The following LRRIQ1 variants were observed in gnomAD, a reference collection of about 807,000 sequenced individuals.
LRRIQ1 encodes leucine-rich repeat- and IQ domain-containing protein 1.
In LRRIQ1, 210 loss-of-function variants were observed where a neutral mutation model predicts 211.9. The ratio of observed to expected loss-of-function variants is 0.99; its 90% CI spans 0.89 to 1.11. The LOEUF (loss-of-function observed/expected upper bound fraction) is 1.11. Among genes scored for constraint, LRRIQ1 ranks in the 50% most tolerant of loss-of-function variants. LRRIQ1 has a pLI of 0.00. For missense variants in LRRIQ1, 2,136 were observed against 1,939.5 expected, an observed-to-expected ratio of 1.10 and a Z score of -1.90; for synonymous variants, 699 against 650.1, an observed-to-expected ratio of 1.08 and a Z score of -1.14.
intron 24 of LRRIQ1, among the ~76,000 whole-genome samples, chr12:85,178,133 T>C (rs1891806567): frequency 1.3e-5 from 2 of 152,076 alleles, no homozygotes; most frequent in African/African-American, 4.8e-5. Flanking sequence ...TAGCAATTGG[T>C]GTCCCATTTC....
intron 14 of LRRIQ1, among the ~76,000 whole-genome samples, chr12:85,105,887 C>G (rs148788301): frequency 0.027 from 4,078 of 149,162 alleles, 185 homozygotes; most frequent in African/African-American, 0.095. Flanking sequence ...ACCTCCATCT[C>G]CCGGGTTCAA....
chr12:85,210,708 C>T (rs1257723186), intron 24 of LRRIQ1, among the ~76,000 whole-genome samples: 1 of 152,154 alleles, frequency 6.6e-6, no homozygotes, highest in East Asian at 1.9e-4. Context: ...CCATGGGACT[C>T]TCGTGTTTCT....
chr12:85,225,105 T>A (rs141238994), intron 24 of LRRIQ1, among the ~76,000 whole-genome samples: 5 of 152,096 alleles, frequency 3.3e-5, no homozygotes, highest in African/African-American at 1.2e-4. Context: ...AAATTTTTTT[T>A]AAATGCACTT....
In LRRIQ1 at chr12:85,046,053, A is replaced by G. The variant is rs368550518; in HGVS notation, c.370A>G (p.Arg124Gly). The stretch of plus-strand genomic sequence containing the variant: ...TGAAATAGAAAAAGAAGAATTTATG[A>G]GAAGTAAAACCGATTGTGCCACTCC... ...LSEIEKEEFM[R>G]SKTDCATPDF... is the part of the protein sequence containing the mutation. Residue 124 changes from arginine to glycine, a missense_variant, in exon 5 of 27, where the codon AGA becomes GGA. Physicochemically the swap from Arg to Gly is moderately radical, Grantham distance 125. Coordinates refer to ENST00000393217, the MANE Select transcript of LRRIQ1 (RefSeq NM_001079910.2). 2 of 1,610,484 alleles carry G rather than the reference A, an allele frequency of 1.2e-6. No homozygotes were observed. The highest frequency in any genetic ancestry group is 2.7e-5 in the African/African-American group (2 of 74,876).
rs1371642861 is a variant in LRRIQ1 at position 85,198,043 on chromosome 12, A to G, written c.4823-31474A>G. 4.1e-3 allele frequency among the ~76,000 whole-genome samples: 207 copies of G among 50,678 alleles called. 2 individuals carry two copies. The African/African-American group carries it at 0.053, about 13-fold the overall frequency. The allele number at this position is 50,678 out of a possible 152,430, so 33.2% of individuals were successfully genotyped here. A position where few individuals can be genotyped will look rare whatever the true frequency, so the allele number is the denominator to read the frequency against. ...TATTATTATATATAACATATATAAT[A>G]TATTATATAATTATATATAACATAT... On this transcript the variant is annotated intron_variant, in intron 24 of 26. Transcript: ENST00000393217.
chr12:85,191,935 C>A (rs1892532436), intron 24 of LRRIQ1, among the ~76,000 whole-genome samples: 1 of 151,846 alleles, frequency 6.6e-6, no homozygotes, highest in African/African-American at 2.4e-5. Context: ...GGTGTCTATT[C>A]AGGTCTTTTG....
At chr12:85,226,125 G>A (rs1452549383) in intron 24 of LRRIQ1, among the ~76,000 whole-genome samples, 2 of 152,098 alleles carry the variant, frequency 1.3e-5, no homozygotes, top group Non-Finnish European at 2.9e-5. Flanking sequence ...GAGTTTTGAT[G>A]TAAAATTACT....
intron 1 of LRRIQ1, among the ~76,000 whole-genome samples, chr12:85,256,694 A>G (rs960784091): frequency 6.6e-6 from 1 of 151,560 alleles, no homozygotes; most frequent in African/African-American, 2.4e-5. Flanking sequence ...AAGAAAATAG[A>G]GTCAAATAGA....
chr12:85,148,748 T>C (rs1431985592), intron 19 of LRRIQ1, among the ~76,000 whole-genome samples: 1 of 151,998 alleles, frequency 6.6e-6, no homozygotes. Flanking sequence ...ATGGTTGAAC[T>C]AAATTACATT....
At chr12:85,180,363 T>G (rs1398572163) in intron 24 of LRRIQ1, among the ~76,000 whole-genome samples, 1 of 151,952 alleles carries the variant, frequency 6.6e-6, no homozygotes, top group African/African-American at 2.4e-5. Flanking sequence ...CTCAAAAAAC[T>G]AAATAATATT....
chr12:85,217,640 ATATATGTG>A (rs1320447337), intron 24 of LRRIQ1, among the ~76,000 whole-genome samples: 60 of 141,262 alleles, frequency 4.2e-4, no homozygotes, highest in African/African-American at 1.5e-3. Flanking sequence ...ATATATGTAT[ATATATGTG>A]TATATGTATA....
chr12:85,080,454 G>C (rs991433485), intron 11 of LRRIQ1, among the ~76,000 whole-genome samples: 1 of 151,172 alleles, frequency 6.6e-6, no homozygotes, highest in Non-Finnish European at 1.5e-5. Flanking sequence ...TTTTATATGA[G>C]ATGTATGTCC....
chr12:85,156,260 G>A (rs1017255736), intron 23 of LRRIQ1, among the ~76,000 whole-genome samples: 27 of 151,626 alleles, frequency 1.8e-4, no homozygotes, highest in African/African-American at 6.5e-4. Flanking sequence ...CATGAACGCT[G>A]AAATGTAAAA....
chr12:85,267,297 T>C (rs2137354114), downstream of LRRIQ1, among the ~76,000 whole-genome samples: 1 of 152,194 alleles, frequency 6.6e-6, no homozygotes, highest in Non-Finnish European at 1.5e-5. Context: ...GTATTTTATT[T>C]AATCTAATAT....
chr12:85,098,741 A>G (rs1886116071), intron 12 of LRRIQ1, 126 bp from the exon 13 acceptor site: 1 of 726,112 alleles, frequency 1.4e-6, no homozygotes, highest in Non-Finnish European at 2.1e-6. Context: ...AAAGTCTTAT[A>G]CCTTATGATA....
chr12:85,256,274 A>G, intron 1 of LRRIQ1, among the ~76,000 whole-genome samples: 1 of 151,718 alleles, frequency 6.6e-6, no homozygotes, highest in East Asian at 1.9e-4. Flanking sequence ...TGCATGCTCT[A>G]TTGATAATAC....
chr12:85,054,601 T>C (rs1880755533), intron 7 of LRRIQ1, among the ~76,000 whole-genome samples: 1 of 152,166 alleles, frequency 6.6e-6, no homozygotes, highest in Non-Finnish European at 1.5e-5. Context: ...CTCCGACATA[T>C]AATTTTTATC....
At chr12:85,207,676 A>G (rs1249346167) in intron 24 of LRRIQ1, among the ~76,000 whole-genome samples, 2 of 152,032 alleles carry the variant, frequency 1.3e-5, no homozygotes, top group African/African-American at 4.8e-5. Flanking sequence ...TGGGTCTATG[A>G]TTCATTTTGA....
At chr12:85,051,964 C>T (rs1639684631) in intron 6 of LRRIQ1, among the ~76,000 whole-genome samples, 1 of 152,114 alleles carries the variant, frequency 6.6e-6, no homozygotes, top group Non-Finnish European at 1.5e-5. Flanking sequence ...AGGTTGCAAA[C>T]TTCTTTATGT....
Sources: gnomAD v4.1 joint callset for allele counts (sites outside exome capture counted in the v4.1 genomes callset) on GRCh38, gnomAD v4.1.1 for gene constraint, MANE v1.5 for transcripts, NCBI Gene and HGNC (gene_info 2026-07-23, HGNC 2026-07-21) for gene names.